The following ZC3H3 variants were observed in gnomAD, a reference collection of about 807,000 sequenced individuals.
ZC3H3 encodes the protein zinc finger CCCH domain-containing protein 3.
A neutral mutation model predicts 77.3 loss-of-function variants in ZC3H3; 36 were observed. That is an observed-to-expected ratio of 0.47 (90% CI 0.36 to 0.61). The LOEUF (loss-of-function observed/expected upper bound fraction) is 0.61. ZC3H3 is among the 20% of genes least tolerant of loss of function. The pLI is 0.00. For missense variants in ZC3H3, 1,331 were observed against 1,312.2 expected, an observed-to-expected ratio of 1.01 and a Z score of -0.22; for synonymous variants, 626 against 555.2, an observed-to-expected ratio of 1.13 and a Z score of -1.79.
In ZC3H3 at chr8:143,530,228, C is replaced by G. The variant is rs1440201858; in HGVS notation, c.1561+6029G>C. On this transcript the variant is annotated intron_variant, in intron 3 of 11. Transcript: ENST00000262577. This position sits in a 1 kb window ranked among gnomAD's most constrained non-coding sequence, Gnocchi z 4.3. ...CCACCACAGGTGTGCCCAGGACCTG[C>G]CAGGCCCGCACCCTCCACCAGCACA... is the stretch of plus-strand genomic sequence containing the variant. Among the ~76,000 whole-genome samples the G allele has an allele frequency of 1.3e-5, 2 of 152,132 alleles. No homozygotes were observed. Among genetic ancestry groups the G allele is most frequent in the African/African-American group, 4.8e-5 (2 of 41,452 alleles).
At chr8:143,529,323 T>C (rs1004554646) in intron 3 of ZC3H3, among the ~76,000 whole-genome samples, 1 of 152,182 alleles carries the variant, frequency 6.6e-6, no homozygotes, top group African/African-American at 2.4e-5. Flanking sequence ...GACACCCCCA[T>C]AAGCATCTGT....
At chr8:143,451,083 A>G (rs1819976759) in intron 9 of ZC3H3, among the ~76,000 whole-genome samples, 1 of 152,084 alleles carries the variant, frequency 6.6e-6, no homozygotes, top group Admixed American at 6.6e-5. Flanking sequence ...GGGTGCCCAC[A>G]AGGACAGCAG....
chr8:143,491,680 G>A (rs986920942), intron 4 of ZC3H3, among the ~76,000 whole-genome samples: 9 of 152,236 alleles, frequency 5.9e-5, no homozygotes, highest in Non-Finnish European at 8.8e-5. Context: ...CTCTGCCACC[G>A]TCGCCCAGCA....
intron 3 of ZC3H3, among the ~76,000 whole-genome samples, chr8:143,522,327 G>A (rs1822272956): frequency 6.6e-6 from 1 of 152,250 alleles, no homozygotes; most frequent in African/African-American, 2.4e-5. Context: ...TGGAAGCCAG[G>A]CACAGTGGCT....
At position 143,440,425 on chromosome 8, in the gene ZC3H3, A is replaced by T. The variant is rs1026024659; in HGVS notation, c.2493-62T>A. Reference sequence around the variant, plus strand: ...TGACGGGTGGGGATCCCAGCGACAGACTGCCCATGCTCTTGGCTGCTTCCT... The same window carrying T: ...TGACGGGTGGGGATCCCAGCGACAGTCTGCCCATGCTCTTGGCTGCTTCCT... On this transcript the variant is annotated intron_variant, in intron 10 of 11. Coordinates refer to ENST00000262577, the MANE Select transcript of ZC3H3 (RefSeq NM_015117.3). The T allele has an allele frequency of 2.0e-6, 3 of 1,482,406 alleles. No individual in the cohort carries two copies. In the African/African-American group the frequency reaches 4.2e-5, roughly 21 times the overall value. 91.8% of individuals were successfully genotyped at this position (1,482,406 alleles called of 1,614,324 possible). A position where few individuals can be genotyped will look rare whatever the true frequency, so the allele number is the denominator to read the frequency against.
chr8:143,540,561 A>G (rs960096245), intron 1 of ZC3H3, among the ~76,000 whole-genome samples: 6 of 152,176 alleles, frequency 3.9e-5, no homozygotes, highest in Non-Finnish European at 5.9e-5. Flanking sequence ...AGAAAGACCA[A>G]TTTGGGTTTT....
intron 9 of ZC3H3, among the ~76,000 whole-genome samples, chr8:143,447,727 G>C (rs1326414346): frequency 6.6e-6 from 1 of 152,196 alleles, no homozygotes; most frequent in Non-Finnish European, 1.5e-5. Flanking sequence ...TCACACGGCC[G>C]AGCAGGAGGA....
chr8:143,473,059 C>G (rs11780502), intron 5 of ZC3H3, among the ~76,000 whole-genome samples: 2,739 of 152,306 alleles, frequency 0.018, 87 homozygotes, highest in African/African-American at 0.063. Flanking sequence ...CTGGGGCTCT[C>G]GCGTACGTCA....
At chr8:143,477,274 C>T (rs1337119226) in intron 4 of ZC3H3, among the ~76,000 whole-genome samples, 1 of 152,222 alleles carries the variant, frequency 6.6e-6, no homozygotes, top group East Asian at 1.9e-4. Context: ...ACCCAGTTTC[C>T]TTTAATTAAA....
At chr8:143,527,838 G>T (rs923832656) in intron 3 of ZC3H3, among the ~76,000 whole-genome samples, 1 of 152,140 alleles carries the variant, frequency 6.6e-6, no homozygotes. Flanking sequence ...GCACCCAAAG[G>T]CACCGCTCAG....
At chr8:143,487,766 G>A (rs1586915636) in intron 4 of ZC3H3, among the ~76,000 whole-genome samples, 3 of 9,826 alleles carry the variant, frequency 3.1e-4, no homozygotes, top group Non-Finnish European at 3.7e-4. Context: ...CCCGCTACAC[G>A]GCCCCATCAC....
chr8:143,448,225 G>A (rs978145462), intron 9 of ZC3H3, among the ~76,000 whole-genome samples: 3 of 151,608 alleles, frequency 2.0e-5, no homozygotes, highest in South Asian at 4.2e-4. Context: ...AGAACCGCTT[G>A]AACCTGGGAG....
At chr8:143,468,313 C>T (rs1820467565) in intron 7 of ZC3H3, 35 bp from the exon 8 acceptor site, 1 of 1,612,116 alleles carries the variant, frequency 6.2e-7, no homozygotes, top group African/African-American at 1.3e-5. Context: ...TGAGGAAGGG[C>T]CGGCAGGGAC....
chr8:143,540,688 G>A (rs1276745841), intron 1 of ZC3H3, among the ~76,000 whole-genome samples: 1 of 150,868 alleles, frequency 6.6e-6, no homozygotes, highest in Admixed American at 6.6e-5. Flanking sequence ...GGGAGCGGTG[G>A]CTCATGCCTG....
chr8:143,497,917 AAG>A (rs1020340746), intron 4 of ZC3H3, among the ~76,000 whole-genome samples: 4 of 152,132 alleles, frequency 2.6e-5, no homozygotes, highest in Non-Finnish European at 5.9e-5. Flanking sequence ...TTCCTTCCCC[AAG>A]AGAGTCCCCT....
Position 143,438,100 on chromosome 8 carries a change from G to A in ZC3H3, c.2816-13C>T, listed in dbSNP as rs1342746741. 4 of 1,607,986 alleles carry A rather than the reference G, an allele frequency of 2.5e-6. No individual in the cohort carries two copies. Among genetic ancestry groups the A allele is most frequent in the Middle Eastern group, 1.7e-4 (1 of 6,058 alleles). ...TGCAGAGGCTTCCCTATGCAAAGAG[G>A]GCAAAAGTTAGGTGCCCGGAAACCC... On this transcript the variant is annotated splice_polypyrimidine_tract_variant and intron_variant, in intron 11 of 11. Transcript: ENST00000262577.
intron 4 of ZC3H3, chr8:143,484,932 G>C (rs1055774623): frequency 4.9e-5 from 22 of 451,214 alleles, no homozygotes; most frequent in Non-Finnish European, 8.0e-5. Context: ...TGCGGCCCTT[G>C]CAAGGACAGT....
intron 4 of ZC3H3, among the ~76,000 whole-genome samples, chr8:143,480,802 G>A (rs759251185): frequency 2.0e-5 from 3 of 152,340 alleles, no homozygotes; most frequent in African/African-American, 7.2e-5. Flanking sequence ...TGCTGGGCCT[G>A]GTAGTCAGCG....
At chr8:143,439,288 G>A (rs908401505) in intron 11 of ZC3H3, among the ~76,000 whole-genome samples, 1 of 152,152 alleles carries the variant, frequency 6.6e-6, no homozygotes, top group Non-Finnish European at 1.5e-5. Flanking sequence ...GCAGGCATTT[G>A]AGTGTGCTCA....
Sources: allele counts gnomAD v4.1 joint callset (sites outside exome capture counted in the v4.1 genomes callset), GRCh38; gene constraint gnomAD v4.1.1; non-coding constraint Gnocchi (gnomAD v3.1); transcripts MANE v1.5; gene names NCBI Gene and HGNC (gene_info 2026-07-23, HGNC 2026-07-21).